Variants in CHD3 observed in about 807,000 individuals in gnomAD.
CHD3 encodes the protein ATP-dependent chromatin remodeler CHD3.
Under a neutral mutation model 248.9 loss-of-function variants are expected in CHD3, and 52 were observed. The ratio of observed to expected loss-of-function variants is 0.21; its 90% confidence interval spans 0.17 to 0.26. The LOEUF (loss-of-function observed/expected upper bound fraction) is 0.26, where lower values mean the gene tolerates loss of function less well. Ranked by LOEUF, CHD3 falls within the 10% of genes least tolerant of loss-of-function variation. The pLI, the probability that CHD3 is intolerant of heterozygous loss-of-function variation, is 1.00. For synonymous variants in CHD3, 985 were observed against 985.2 expected, an observed-to-expected ratio of 1.00 and a Z score of 0.00; for missense variants, 1,482 against 2,605.8, an observed-to-expected ratio of 0.57 and a Z score of 9.39.
chr17:7,907,328 T>C lies in CHD3; in HGVS notation c.4789-25T>C. Reference sequence around the variant, plus strand: ...AGGTACCTGGGAGCCCTCTGGCTCATCCTGACCCCATTGTCCTCTTCCAGG... The same window carrying C: ...AGGTACCTGGGAGCCCTCTGGCTCACCCTGACCCCATTGTCCTCTTCCAGG... On this transcript the variant is annotated intron_variant, in intron 31 of 39. Coordinates refer to ENST00000330494, the MANE Select transcript of CHD3 (RefSeq NM_001005273.3). The surrounding 1 kb of genome is among the most constrained non-coding windows in gnomAD (Gnocchi z 4.3). The C allele has an allele frequency of 6.2e-7, 1 of 1,610,370 alleles. No homozygotes were observed.
At position 7,894,398 on chromosome 17, in the gene CHD3, AC is replaced by A; in HGVS notation, c.1076-15del. The A allele has an allele frequency of 2.5e-6, 4 of 1,600,888 alleles. No individual in the cohort carries two copies. Among genetic ancestry groups the A allele is most frequent in the Non-Finnish European group, 3.4e-6 (4 of 1,170,450 alleles). On this transcript the variant is annotated splice_polypyrimidine_tract_variant and intron_variant, in intron 7 of 39. Coordinates refer to ENST00000330494, the MANE Select transcript of CHD3 (RefSeq NM_001005273.3). ...CCCTGCCCTGCTTCCTTATCCCTCC[AC>A]CGGGGTATATGACAGTCCTGGGCTG...
chr17:7,907,114 C>A lies in CHD3; in HGVS notation c.4667-12C>A. On this transcript the variant is annotated splice_polypyrimidine_tract_variant and intron_variant, in intron 30 of 39. Coordinates refer to ENST00000330494, the MANE Select transcript of CHD3 (RefSeq NM_001005273.3). This position sits in a 1 kb window ranked among gnomAD's most constrained non-coding sequence, Gnocchi z 4.3. ...AGAATCTCTGTCTTTATCACTGTGC[C>A]TTCCCCTGCAGCTACTCCAGCTCCA... The A allele has an allele frequency of 6.2e-7, 1 of 1,614,192 alleles. No individual in the cohort carries two copies. The highest frequency in any genetic ancestry group is 1.1e-5 in the South Asian group (1 of 91,074).
intron 13 of CHD3, 92 bp downstream of exon 13, chr17:7,898,687 TA>T: frequency 1.0e-6 from 1 of 957,668 alleles, no homozygotes; most frequent in African/African-American, 1.6e-5. Flanking sequence ...AGAGATTCAG[TA>T]ACCTCTGTGA....
In CHD3 at chr17:7,910,189, T is replaced by A. The variant is rs1375344738; in HGVS notation, c.5591-239T>A. On this transcript the variant is annotated intron_variant, in intron 37 of 39. Transcript: ENST00000330494. The surrounding 1 kb of genome is among the most constrained non-coding windows in gnomAD (Gnocchi z 4.7). ...CTTTCTTCTTTCTCTCCATCTGTCT[T>A]CTGTGGTAATCTGGTCTCTCTGTCT... The A allele has an allele frequency of 3.9e-6, 2 of 515,994 alleles. No homozygotes were observed. The highest frequency in any genetic ancestry group is 7.0e-6 in the Non-Finnish European group (2 of 286,906). 32.0% of individuals were successfully genotyped at this position (515,994 alleles called of 1,614,324 possible).
At position 7,909,187 on chromosome 17, in the gene CHD3, G is replaced by A. The variant is rs762962415; in HGVS notation, c.5439G>A (p.Ala1813=). The A allele has an allele frequency of 1.4e-5, 21 of 1,549,558 alleles. No individual in the cohort carries two copies. Among genetic ancestry groups the A allele is most frequent in the Admixed American group, 5.9e-5 (3 of 51,066 alleles). The change falls in exon 37 of 40, where the codon GCG becomes GCA. Residue 1813 remains alanine, a synonymous_variant. Coordinates refer to ENST00000330494, the MANE Select transcript of CHD3 (RefSeq NM_001005273.3). The surrounding 1 kb of genome is among the most constrained non-coding windows in gnomAD (Gnocchi z 8.1). ...TGATTGAGGAGCAGCTGCGGCGGGC[G>A]GCCTACCTGAACCTGTCGCAGGAGC... ...ALVIEEQLRR[A]AYLNLSQEPA...
upstream of CHD3, chr17:7,884,928 AG>A: frequency 7.3e-7 from 1 of 1,370,294 alleles, no homozygotes; most frequent in Non-Finnish European, 9.6e-7. Flanking sequence ...GCGGCCGACG[AG>A]GACGATGAGG....
rs752621737 is a variant in CHD3 at position 7,899,130 on chromosome 17, C to T, written c.2271C>T (p.Thr757=). The T allele has an allele frequency of 5.9e-5, 95 of 1,614,046 alleles. No individual in the cohort carries two copies. Among genetic ancestry groups the T allele is most frequent in the Non-Finnish European group, 7.5e-5 (89 of 1,180,038 alleles). ...LRFSWAQGTD[T]ILADEMGLGK... is the part of the protein sequence containing the mutation. Reference sequence around the variant, plus strand: ...TCTCCTGGGCCCAGGGCACTGACACCATTCTAGCTGATGAGATGGGGCTAG... The same window carrying T: ...TCTCCTGGGCCCAGGGCACTGACACTATTCTAGCTGATGAGATGGGGCTAG... The change falls in exon 14 of 40, where the codon ACC becomes ACT. Residue 757 remains threonine, a synonymous_variant. Coordinates refer to ENST00000330494, the MANE Select transcript of CHD3 (RefSeq NM_001005273.3). The surrounding 1 kb of genome is among the most constrained non-coding windows in gnomAD (Gnocchi z 6.8).
rs1448366643 is a variant in CHD3, at chr17:7,898,527, C to T, written c.2083C>T (p.Pro695Ser). The T allele has an allele frequency of 1.2e-6, 2 of 1,614,038 alleles. No individual in the cohort carries two copies. Among genetic ancestry groups the T allele is most frequent in the South Asian group, 1.1e-5 (1 of 91,080 alleles). The change falls in exon 13 of 40, where the codon CCC (proline) becomes TCC (serine). Residue 695 changes from proline (P) to serine (S), a missense_variant. Coordinates refer to ENST00000330494, the MANE Select transcript of CHD3 (RefSeq NM_001005273.3). ...AATTATGGGGGAAGACCCTGCCCAG[C>T]CCCGCAAGTATAAGAAGAAGAAGAA... is the stretch of plus-strand genomic sequence containing the variant. The part of the protein sequence containing the change: ...ELIMGEDPAQ[P>S]RKYKKKKKEL...
chr17:7,888,861 G>A lies in CHD3; in HGVS notation c.-140G>A. ...GATATCTGGAACAAAATATGGAGGT[G>A]AAGGGTGAGATCGGGAAACAAAGGG... On this transcript the variant is annotated 5_prime_UTR_variant, in exon 1 of 40. The change abolishes the stop of an existing upstream ORF in the 5' untranslated region. Transcript: ENST00000330494. 6.8e-7 allele frequency: 1 copy of A among 1,476,112 alleles called. No individual in the cohort carries two copies. Among genetic ancestry groups the A allele is most frequent in the Non-Finnish European group, 9.0e-7 (1 of 1,116,636 alleles). The allele number at this position is 1,476,112 out of a possible 1,614,324, so 91.4% of individuals were successfully genotyped here. A position where few individuals can be genotyped will look rare whatever the true frequency, so the allele number is the denominator to read the frequency against.
chr17:7,905,874 C>T lies in CHD3; in HGVS notation c.4243C>T (p.Arg1415Cys). 1 of 1,614,188 alleles carries T rather than the reference C, an allele frequency of 6.2e-7. No individual in the cohort carries two copies. Among genetic ancestry groups the T allele is most frequent in the Non-Finnish European group, 8.5e-7 (1 of 1,180,048 alleles). The change falls in exon 28 of 40, where the codon CGT (arginine) becomes TGT (cysteine). Residue 1415 changes from arginine (R) to cysteine (C), a missense_variant. By Grantham distance (180) the Arg-to-Cys change is radical. This residue lies in a region of CHD3 where 156 missense variants were observed against 420.3 expected (regional missense o/e 0.37). Coordinates refer to ENST00000330494, the MANE Select transcript of CHD3 (RefSeq NM_001005273.3). The surrounding 1 kb of genome is among the most constrained non-coding windows in gnomAD (Gnocchi z 5.8). ...CCCTCAGGTGCTGGGCTTCAACACCCGTCAGCGGAAGGCTTTCCTCAATGC... is the reference window on the plus strand; with the variant it reads ...CCCTCAGGTGCTGGGCTTCAACACCTGTCAGCGGAAGGCTTTCCTCAATGC... ...GNIEVLGFNTRQRKAFLNAVM... is the reference protein window; with the variant it reads ...GNIEVLGFNTCQRKAFLNAVM...
chr17:7,910,330 G>T lies in CHD3; in HGVS notation c.5591-98G>T. 1 of 1,431,936 alleles carries T rather than the reference G, an allele frequency of 7.0e-7. No homozygotes were observed. The allele number at this position is 1,431,936 out of a possible 1,614,324, so 88.7% of individuals were successfully genotyped here. ...TGTTCTCCTCTCTCGCTCTTTTTCT[G>T]CCTGTATCTGTCCATCTGATGCCTC... On this transcript the variant is annotated intron_variant, in intron 37 of 39. Transcript: ENST00000330494. The surrounding 1 kb of genome is among the most constrained non-coding windows in gnomAD (Gnocchi z 4.7).
At chr17:7,893,257 G>A (rs1438257271) in intron 4 of CHD3, 29 bp from the exon 5 acceptor site, 1 of 1,577,860 alleles carries the variant, frequency 6.3e-7, no homozygotes, top group East Asian at 2.2e-5. Context: ...TCTGTGAAGG[G>A]TCCGAGTTTT....
intron 8 of CHD3, 76 bp downstream of exon 8, chr17:7,894,684 C>T (rs1969392970): frequency 6.7e-7 from 1 of 1,484,796 alleles, no homozygotes; most frequent in East Asian, 2.3e-5. Flanking sequence ...CACTTACCCT[C>T]TTCCTGCCCC....
rs1291721564 is a variant in CHD3, at chr17:7,906,533, C to G, written c.4359-20C>G. The G allele has an allele frequency of 1.2e-6, 2 of 1,613,374 alleles. No homozygotes were observed. Among genetic ancestry groups the G allele is most frequent in the African/African-American group, 2.7e-5 (2 of 74,942 alleles). On this transcript the variant is annotated intron_variant, in intron 28 of 39. Transcript: ENST00000330494. The surrounding 1 kb of genome is among the most constrained non-coding windows in gnomAD (Gnocchi z 5.0). Reference sequence around the variant, plus strand: ...CTTCTGTGGCTCCCCTAACCCTCCTCCCACTCCCATGCTCCTTAGGGCCTA... The same window carrying G: ...CTTCTGTGGCTCCCCTAACCCTCCTGCCACTCCCATGCTCCTTAGGGCCTA...
At chr17:7,892,940 A>AT (rs1390690107) in intron 4 of CHD3, among the ~76,000 whole-genome samples, 8 of 150,416 alleles carry the variant, frequency 5.3e-5, no homozygotes, top group Non-Finnish European at 8.9e-5. Flanking sequence ...CCAGCTAATT[A>AT]TTTTTTTTTA....
rs1461150734 is a variant in CHD3, at chr17:7,904,616, C to G, written c.4069C>G (p.Gln1357Glu). ...CTACAATGATGCTGCTCAGGAAGAC[C>G]AAGGTGAGGACTGCCCCAGATGCAG... ...VNYNDAAQED[Q>E]DNQSEYSVGS... The change falls in exon 25 of 40, where the codon CAA becomes GAA. Residue 1357 changes from glutamine (Q) to glutamate (E), a missense_variant. By Grantham distance (29) the Gln-to-Glu change is conservative. Transcript: ENST00000330494. The surrounding 1 kb of genome is among the most constrained non-coding windows in gnomAD (Gnocchi z 4.4). 2.5e-6 allele frequency: 4 copies of G among 1,613,098 alleles called. No individual in the cohort carries two copies. Among genetic ancestry groups the G allele is most frequent in the Non-Finnish European group, 3.4e-6 (4 of 1,179,316 alleles).
At chr17:7,890,493 T>G in intron 2 of CHD3, 78 bp from the exon 3 acceptor site, 3 of 930,638 alleles carry the variant, frequency 3.2e-6, no homozygotes, top group Non-Finnish European at 3.0e-6. Context: ...TTAAAAGAGG[T>G]AAGATATGGT....
At position 7,906,666 on chromosome 17, in the gene CHD3, G is replaced by T; in HGVS notation, c.4472G>T (p.Arg1491Leu). The change falls in exon 29 of 40, where the codon CGC becomes CTC. Residue 1491 changes from arginine (R) to leucine (L), a missense_variant. Physicochemically the swap from Arg to Leu is moderately radical, Grantham distance 102 (BLOSUM62 -2). Coordinates refer to ENST00000330494, the MANE Select transcript of CHD3 (RefSeq NM_001005273.3). This position sits in a 1 kb window ranked among gnomAD's most constrained non-coding sequence, Gnocchi z 5.0. ...EGLSRQQVLT[R>L]IGVMSLVKKK... The stretch of plus-strand genomic sequence containing the variant: ...CTGAGTCGCCAGCAGGTGTTGACCC[G>T]CATTGGAGTCATGTCTCTCGTCAAA... The T allele has an allele frequency of 6.2e-7, 1 of 1,610,004 alleles. No homozygotes were observed. Among genetic ancestry groups the T allele is most frequent in the Non-Finnish European group, 8.5e-7 (1 of 1,178,076 alleles).
Position 7,906,987 on chromosome 17 carries a change from C to T in CHD3, c.4622C>T (p.Thr1541Ile), listed in dbSNP as rs766478008. Reference protein sequence around the residue: ...ASSPTKTSPTTPEASATNSPC... With the variant: ...ASSPTKTSPTIPEASATNSPC... ...TCTCCTACCAAAACGTCTCCCACCA[C>T]TCCTGAGGCTTCTGCTACCAACAGT... is the stretch of plus-strand genomic sequence containing the variant. The change falls in exon 30 of 40, where the codon ACT becomes ATT. Residue 1541 changes from threonine to isoleucine, a missense_variant. Transcript: ENST00000330494. The surrounding 1 kb of genome is among the most constrained non-coding windows in gnomAD (Gnocchi z 5.0). 2.5e-6 allele frequency: 4 copies of T among 1,614,070 alleles called. No individual in the cohort carries two copies. In the Admixed American group the frequency reaches 5.0e-5, roughly 20 times the overall value.
Sources: gnomAD v4.1 joint callset for allele counts (sites outside exome capture counted in the v4.1 genomes callset) on GRCh38, gnomAD v4.1.1 for gene constraint, gnomAD v4.1.1 regional missense constraint, Gnocchi (gnomAD v3.1) non-coding constraint, MANE v1.5 for transcripts, NCBI Gene and HGNC (gene_info 2026-07-23, HGNC 2026-07-21) for gene names.